Variants in KAT7 observed in about 807,000 individuals in gnomAD.
KAT7 encodes the protein histone acetyltransferase KAT7.
In KAT7, 10 loss-of-function variants were observed where a neutral mutation model predicts 82.1. The observed-to-expected ratio is 0.12, with a 90% CI of 0.08 to 0.21. KAT7 has a LOEUF of 0.21. KAT7 is among the 10% of genes least tolerant of loss of function. The pLI, the probability that KAT7 is intolerant of heterozygous loss-of-function variation, is 1.00. For synonymous variants in KAT7, 250 were observed against 262.5 expected, an observed-to-expected ratio of 0.95 and a Z score of 0.46; for missense variants, 378 against 760.9, an observed-to-expected ratio of 0.50 and a Z score of 5.92.
At position 49,833,095 on chromosome 17, in the gene KAT7, G is replaced by C. The variant is rs1041660411; in HGVS notation, c.*5593G>C. The C allele has an allele frequency of 6.6e-6, 1 of 152,172 alleles. No individual in the cohort carries two copies. The highest frequency in any genetic ancestry group is 1.5e-5 in the Non-Finnish European group (1 of 68,028). The allele number at this position is 152,172 out of a possible 1,614,324, so 9.4% of individuals were successfully genotyped here. A position where few individuals can be genotyped will look rare whatever the true frequency, so the allele number is the denominator to read the frequency against. ...GTCCCTGGTGCCAAAACATCAGTTT[G>C]CCCCTAACCTCTTGTGCAATACCTT... is the stretch of plus-strand genomic sequence containing the variant. On this transcript the variant is annotated 3_prime_UTR_variant, in exon 15 of 15. Transcript: ENST00000259021.
At chr17:49,807,815 T>A (rs1394686672) in intron 5 of KAT7, among the ~76,000 whole-genome samples, 4 of 152,142 alleles carry the variant, frequency 2.6e-5, no homozygotes. Flanking sequence ...GCTGATTGAT[T>A]TGATGTGAGG....
intron 11 of KAT7, among the ~76,000 whole-genome samples, chr17:49,822,329 G>T (rs941816709): frequency 6.6e-6 from 1 of 151,822 alleles, no homozygotes; most frequent in Non-Finnish European, 1.5e-5. Context: ...CCAGGTTCAA[G>T]TGACCCTCCT....
At chr17:49,808,168 C>G (rs1010590163) in intron 5 of KAT7, among the ~76,000 whole-genome samples, 2 of 140,080 alleles carry the variant, frequency 1.4e-5, no homozygotes, top group Non-Finnish European at 3.0e-5. Context: ...GTCACCCAGG[C>G]TGGAGTGCAT....
In KAT7 at chr17:49,802,966, A is replaced by G. The variant is rs527720787; in HGVS notation, c.581-2397A>G. On this transcript the variant is annotated intron_variant, in intron 4 of 14. Coordinates refer to ENST00000259021, the MANE Select transcript of KAT7 (RefSeq NM_007067.5). ...GCTGGCCTCAAGCTCTTGGAATCAC[A>G]TAGTCCTCCTGTGTTGGCCTCCCAA... Among the ~76,000 whole-genome samples the G allele has an allele frequency of 5.3e-5, 8 of 152,140 alleles. No homozygotes were observed. The East Asian group carries it at 1.2e-3, about 22-fold the overall frequency.
At chr17:49,798,848 A>G (rs545813468) in intron 4 of KAT7, among the ~76,000 whole-genome samples, 3 of 152,322 alleles carry the variant, frequency 2.0e-5, no homozygotes, top group Admixed American at 6.5e-5. Flanking sequence ...AAAAAAGACT[A>G]TCTGCAGATA....
At chr17:49,818,446 A>G (rs1483706764) in intron 9 of KAT7, among the ~76,000 whole-genome samples, 1 of 152,168 alleles carries the variant, frequency 6.6e-6, no homozygotes, top group Non-Finnish European at 1.5e-5. Flanking sequence ...TATATGTTGA[A>G]TGGGTACTTA....
chr17:49,803,914 A>T (rs1378994408), intron 4 of KAT7, among the ~76,000 whole-genome samples: 5 of 148,082 alleles, frequency 3.4e-5, no homozygotes, highest in Admixed American at 2.0e-4. Flanking sequence ...TTTATGAAAG[A>T]TGAAGATTTT....
At chr17:49,821,259 T>C in intron 9 of KAT7, 78 bp from the exon 10 acceptor site, 2 of 1,041,360 alleles carry the variant, frequency 1.9e-6, no homozygotes, top group Non-Finnish European at 1.5e-6. Context: ...ACATTTGACC[T>C]GTCATTCCTT....
At position 49,811,529 on chromosome 17, in the gene KAT7, G is replaced by T; in HGVS notation, c.807G>T (p.Lys269Asn). The T allele has an allele frequency of 6.4e-7, 1 of 1,553,870 alleles. No homozygotes were observed. Among genetic ancestry groups the T allele is most frequent in the Non-Finnish European group, 8.7e-7 (1 of 1,148,852 alleles). ...RYKEKVAELRKKRNSGLSKEQ... is the reference protein window; with the variant it reads ...RYKEKVAELRNKRNSGLSKEQ... ...AGGAAAAAGTGGCTGAACTCAGGAA[G>T]AAAAGAAATTCTGGACTGAGCAAAG... The change falls in exon 7 of 15, where the codon AAG becomes AAT. Residue 269 changes from lysine (K) to asparagine (N), a missense_variant. Around this residue, in one of 6 missense-constraint regions of KAT7, gnomAD observed 102 missense variants for 129.8 expected, o/e 0.79. Transcript: ENST00000259021.
At chr17:49,826,876 C>T (rs2074374860) in intron 14 of KAT7, 77 bp downstream of exon 14, 2 of 896,486 alleles carry the variant, frequency 2.2e-6, no homozygotes. Context: ...GGCCTTAAGA[C>T]TGGAGAACCT....
Position 49,827,564 on chromosome 17 carries a change from T to C in KAT7, c.*62T>C, listed in dbSNP as rs1052131841. 40 of 946,964 alleles carry C rather than the reference T, an allele frequency of 4.2e-5. No individual in the cohort carries two copies. The highest frequency in any genetic ancestry group is 6.7e-5 in the Non-Finnish European group (39 of 581,676). 58.7% of individuals were successfully genotyped at this position (946,964 alleles called of 1,614,324 possible). A position where few individuals can be genotyped will look rare whatever the true frequency, so the allele number is the denominator to read the frequency against. ...TAGGAATCCGTACCCTAGGGATCTGTCTGTCATTTCTCTGTTGCTCTTGTG... is the reference window on the plus strand; with the variant it reads ...TAGGAATCCGTACCCTAGGGATCTGCCTGTCATTTCTCTGTTGCTCTTGTG... On this transcript the variant is annotated 3_prime_UTR_variant, in exon 15 of 15. Coordinates refer to ENST00000259021, the MANE Select transcript of KAT7 (RefSeq NM_007067.5).
rs1249089376 is a variant in KAT7 at position 49,833,814 on chromosome 17, T to G, written c.*6312T>G. 1.3e-5 allele frequency: 2 copies of G among 152,258 alleles called. No homozygotes were observed. Among genetic ancestry groups the G allele is most frequent in the Non-Finnish European group, 2.9e-5 (2 of 68,050 alleles). The allele number at this position is 152,258 out of a possible 1,614,324, so 9.4% of individuals were successfully genotyped here. A position where few individuals can be genotyped will look rare whatever the true frequency, so the allele number is the denominator to read the frequency against. The stretch of plus-strand genomic sequence containing the variant: ...CCCAGAGAATTATGAGAATACTGTT[T>G]TAACCACACGTTTTGGAATGGTTTG... On this transcript the variant is annotated 3_prime_UTR_variant, in exon 15 of 15. Transcript: ENST00000259021.
In KAT7 at chr17:49,788,792, C is replaced by T. The variant is rs757319366; in HGVS notation, c.-43C>T. 39 of 1,565,760 alleles carry T rather than the reference C, an allele frequency of 2.5e-5. 2 individuals are homozygous for T. In the South Asian group the frequency reaches 4.2e-4, roughly 17 times the overall value. ...CCGGAGCCACCGTTCCTGCTGCTGC[C>T]GCCGCTGCCCGAATCGGAACCGTCG... is the stretch of plus-strand genomic sequence containing the variant. On this transcript the variant is annotated 5_prime_UTR_variant, in exon 1 of 15. Transcript: ENST00000259021.
intron 7 of KAT7, among the ~76,000 whole-genome samples, chr17:49,813,445 G>T (rs573218870): frequency 9.2e-5 from 14 of 152,064 alleles, no homozygotes; most frequent in Non-Finnish European, 1.6e-4. Context: ...CAGCCATTGG[G>T]ATAGATTCTT....
chr17:49,824,790 C>T (rs2074349052), intron 12 of KAT7: 1 of 152,122 alleles, frequency 6.6e-6, no homozygotes, highest in South Asian at 2.1e-4. Flanking sequence ...TAAGCATTAA[C>T]AAAAGTATAA....
At chr17:49,810,302 G>T (rs2074146161) in intron 6 of KAT7, among the ~76,000 whole-genome samples, 1 of 151,996 alleles carries the variant, frequency 6.6e-6, no homozygotes, top group African/African-American at 2.4e-5. Flanking sequence ...TTTTGCCCCG[G>T]CTGGAGTGCA....
In KAT7 at chr17:49,805,351, C is replaced by G; in HGVS notation, c.581-12C>G. On this transcript the variant is annotated splice_polypyrimidine_tract_variant and intron_variant, in intron 4 of 14. Coordinates refer to ENST00000259021, the MANE Select transcript of KAT7 (RefSeq NM_007067.5). ...CTTCTTTCTTGAGATTAAGTTTTCC[C>G]TCCTTTAACAGGACACCTTACAGGA... The G allele has an allele frequency of 6.3e-7, 1 of 1,582,578 alleles. No individual in the cohort carries two copies. The highest frequency in any genetic ancestry group is 8.7e-7 in the Non-Finnish European group (1 of 1,152,364).
chr17:49,825,721 T>G (rs1238812417), intron 12 of KAT7, among the ~76,000 whole-genome samples: 1 of 152,216 alleles, frequency 6.6e-6, no homozygotes, highest in Non-Finnish European at 1.5e-5. Flanking sequence ...TAGGATTTGG[T>G]ACTACCCACA....
In KAT7 at chr17:49,827,553, C is replaced by T. The variant is rs745412621; in HGVS notation, c.*51C>T. 7.8e-6 allele frequency: 8 copies of T among 1,029,362 alleles called. No homozygotes were observed. Among genetic ancestry groups the T allele is most frequent in the Non-Finnish European group, 1.2e-5 (8 of 652,186 alleles). The allele number at this position is 1,029,362 out of a possible 1,614,324, so 63.8% of individuals were successfully genotyped here. A position where few individuals can be genotyped will look rare whatever the true frequency, so the allele number is the denominator to read the frequency against. ...AACCCCAGCAGTAGGAATCCGTACC[C>T]TAGGGATCTGTCTGTCATTTCTCTG... is the stretch of plus-strand genomic sequence containing the variant. On this transcript the variant is annotated 3_prime_UTR_variant, in exon 15 of 15. Coordinates refer to ENST00000259021, the MANE Select transcript of KAT7 (RefSeq NM_007067.5).
Sources: allele counts gnomAD v4.1 joint callset (sites outside exome capture counted in the v4.1 genomes callset), GRCh38; gene constraint gnomAD v4.1.1; regional missense constraint gnomAD v4.1.1; transcripts MANE v1.5; gene names NCBI Gene and HGNC (gene_info 2026-07-23, HGNC 2026-07-21).